TRAPPC9: variants seen among roughly 807,000 people sequenced by gnomAD.
TRAPPC9 encodes trafficking protein particle complex subunit 9.
Under a neutral mutation model 124.0 loss-of-function variants are expected in TRAPPC9, and 83 were observed. That is an observed-to-expected ratio of 0.67 (90% CI 0.56 to 0.80). TRAPPC9 has a LOEUF of 0.80. Among genes scored for constraint, TRAPPC9 ranks in the 30% least tolerant of loss-of-function variants. The pLI is 0.00. For missense variants in TRAPPC9, 1,302 were observed against 1,508.3 expected, an observed-to-expected ratio of 0.86 and a Z score of 2.27; for synonymous variants, 638 against 617.5, an observed-to-expected ratio of 1.03 and a Z score of -0.49.
chr8:140,386,817 T>C (rs928354917), intron 7 of TRAPPC9, among the ~76,000 whole-genome samples: 1 of 152,130 alleles, frequency 6.6e-6, no homozygotes, highest in Non-Finnish European at 1.5e-5. Context: ...AAAAAACTAC[T>C]CTAAAGTTCA....
chr8:139,895,425 T>C (rs371986793), intron 20 of TRAPPC9, among the ~76,000 whole-genome samples: 1 of 152,332 alleles, frequency 6.6e-6, no homozygotes, highest in East Asian at 1.9e-4. Context: ...GTACTTATTA[T>C]TTCAGAAATA....
At chr8:139,950,333 A>C (rs1001839815) in intron 19 of TRAPPC9, among the ~76,000 whole-genome samples, 3 of 152,260 alleles carry the variant, frequency 2.0e-5, no homozygotes, top group African/African-American at 7.2e-5. Context: ...TGCCTACGAA[A>C]TGGAAGGTGA....
chr8:139,910,293 T>A lies in TRAPPC9; in HGVS notation c.2818A>T (p.Ile940Phe), dbSNP rs146470454. The A allele has an allele frequency of 1.9e-6, 3 of 1,614,046 alleles. No homozygotes were observed. In the African/African-American group the frequency reaches 4.0e-5, roughly 22 times the overall value. The change falls in exon 20 of 23, where the codon ATT becomes TTT. Residue 940 changes from isoleucine to phenylalanine, a missense_variant. This residue lies in a region of TRAPPC9 where 640 missense variants were observed against 679.3 expected (regional missense o/e 0.94). Transcript: ENST00000438773. ...TCAAAGTTGAACTTGTCCACTTGAA[T>A]AGCCATTCTACGAGAAAGGGGAAAA... ...LHAGECQRMAIQVDKFNFESF... is the reference protein window; with the variant it reads ...LHAGECQRMAFQVDKFNFESF...
At chr8:140,458,232 C>T (rs76594490), upstream of TRAPPC9, 4,191 of 1,550,942 alleles carry the variant, frequency 2.7e-3, 64 homozygotes, top group African/African-American at 0.044. Flanking sequence ...GCTTCTGCAC[C>T]TGGGGCGGCG....
chr8:139,818,932 T>C (rs559032560), intron 21 of TRAPPC9, among the ~76,000 whole-genome samples: 4 of 152,328 alleles, frequency 2.6e-5, no homozygotes, highest in African/African-American at 9.6e-5. Flanking sequence ...CTTGTACACA[T>C]CTTAACCACA....
chr8:140,107,176 C>T (rs2060682547), intron 17 of TRAPPC9, among the ~76,000 whole-genome samples: 1 of 152,202 alleles, frequency 6.6e-6, no homozygotes, highest in Admixed American at 6.5e-5. Flanking sequence ...TATCCTTCTT[C>T]TCCTCCCTTC....
intron 21 of TRAPPC9, among the ~76,000 whole-genome samples, chr8:139,789,136 A>C (rs1378191030): frequency 6.6e-6 from 1 of 152,202 alleles, no homozygotes; most frequent in Non-Finnish European, 1.5e-5. Context: ...AAAGTGCTCC[A>C]TTCACTTTGG....
intron 9 of TRAPPC9, among the ~76,000 whole-genome samples, chr8:140,352,597 T>C (rs1294425687): frequency 6.6e-6 from 1 of 152,050 alleles, no homozygotes; most frequent in Non-Finnish European, 1.5e-5. Context: ...ATGCACTGAA[T>C]CCCCGGTTAC....
intron 19 of TRAPPC9, among the ~76,000 whole-genome samples, chr8:139,922,135 C>T (rs1832547640): frequency 1.3e-5 from 2 of 151,690 alleles, no homozygotes; most frequent in African/African-American, 4.8e-5. Context: ...CATATGTTAA[C>T]TCATTTATTT....
chr8:139,782,404 T>C (rs1821896652), intron 21 of TRAPPC9, among the ~76,000 whole-genome samples: 1 of 152,206 alleles, frequency 6.6e-6, no homozygotes, highest in Non-Finnish European at 1.5e-5. Context: ...GTATATCATG[T>C]TAATACAAAT....
chr8:140,068,535 A>C (rs557392187), intron 17 of TRAPPC9, among the ~76,000 whole-genome samples: 1 of 152,348 alleles, frequency 6.6e-6, no homozygotes, highest in South Asian at 2.1e-4. Flanking sequence ...CACTTTCAAA[A>C]ACATTCCCAT....
chr8:140,159,781 A>G (rs1298703179), intron 17 of TRAPPC9, among the ~76,000 whole-genome samples: 1 of 152,220 alleles, frequency 6.6e-6, no homozygotes, highest in Non-Finnish European at 1.5e-5. Context: ...GAGAAAGGGC[A>G]GCCCTGTGTG....
intron 21 of TRAPPC9, among the ~76,000 whole-genome samples, chr8:139,878,261 A>G (rs1829458667): frequency 6.6e-6 from 1 of 152,246 alleles, no homozygotes; most frequent in African/African-American, 2.4e-5. Flanking sequence ...AAAAAGGGAC[A>G]CAGAAGTATA....
Position 139,860,329 on chromosome 8 carries a change from C to T in TRAPPC9, c.3055+25550G>A, listed in dbSNP as rs147949005. Among the ~76,000 whole-genome samples, 431 of 151,942 alleles carry T rather than the reference C, an allele frequency of 2.8e-3. 1 individual carries two copies. The highest frequency in any genetic ancestry group is 0.017 in the Middle Eastern group (5 of 292). On this transcript the variant is annotated intron_variant, in intron 21 of 22. Transcript: ENST00000438773. Reference sequence around the variant, plus strand: ...ACCCAGTCCAAAAGGGGCTGTTACACGGCTCCAAGGGGTGGAGGTCGGGAA... The same window carrying T: ...ACCCAGTCCAAAAGGGGCTGTTACATGGCTCCAAGGGGTGGAGGTCGGGAA...
At chr8:140,233,149 C>T (rs1254033996) in intron 16 of TRAPPC9, among the ~76,000 whole-genome samples, 1 of 152,148 alleles carries the variant, frequency 6.6e-6, no homozygotes, top group Non-Finnish European at 1.5e-5. Flanking sequence ...CCCATCATCC[C>T]TCAAAATGTT....
At chr8:139,843,361 C>T (rs550330007) in intron 21 of TRAPPC9, among the ~76,000 whole-genome samples, 128 of 152,320 alleles carry the variant, frequency 8.4e-4, no homozygotes, top group African/African-American at 2.9e-3. Flanking sequence ...TTCCAGGTGC[C>T]TGCAGAACCA....
chr8:140,000,318 A>G (rs1476594166), intron 18 of TRAPPC9, among the ~76,000 whole-genome samples: 1 of 152,238 alleles, frequency 6.6e-6, no homozygotes, highest in African/African-American at 2.4e-5. Flanking sequence ...GGACATAGGC[A>G]TGGGCAAAGA....
chr8:139,981,519 C>T (rs1271053870), intron 19 of TRAPPC9, among the ~76,000 whole-genome samples: 7 of 152,210 alleles, frequency 4.6e-5, no homozygotes, highest in Non-Finnish European at 8.8e-5. Flanking sequence ...TCAATAACAA[C>T]CTGCAAGAAG....
chr8:139,766,943 C>A (rs1051885650), intron 21 of TRAPPC9, among the ~76,000 whole-genome samples: 1 of 152,254 alleles, frequency 6.6e-6, no homozygotes, highest in South Asian at 2.1e-4. Flanking sequence ...TGCGTCCTCA[C>A]CTGCATGTCT....
Sources: allele counts gnomAD v4.1 joint callset (sites outside exome capture counted in the v4.1 genomes callset), GRCh38; gene constraint gnomAD v4.1.1; regional missense constraint gnomAD v4.1.1; transcripts MANE v1.5; gene names NCBI Gene and HGNC (gene_info 2026-07-23, HGNC 2026-07-21).